NEURL1: variants seen among roughly 807,000 people sequenced by gnomAD.
NEURL1 encodes the protein neuralized E3 ubiquitin protein ligase 1.
In NEURL1, 26 loss-of-function variants were observed where a neutral mutation model predicts 41.2. That is an observed-to-expected ratio of 0.63 (90% CI 0.46 to 0.87). NEURL1 has a LOEUF of 0.87. NEURL1 is among the 40% of genes least tolerant of loss of function. NEURL1 has a pLI of 0.00. For missense variants in NEURL1, 761 were observed against 871.1 expected (o/e 0.87, Z 1.59); for synonymous variants, 400 against 402.3 (o/e 0.99, Z 0.07).
rs1320122010 is a variant in NEURL1 at position 103,556,306 on chromosome 10, G to A, written c.86-14566G>A. 6.6e-6 allele frequency among the ~76,000 whole-genome samples: 1 copy of A among 152,204 alleles called. No individual in the cohort carries two copies. The highest frequency in any genetic ancestry group is 1.9e-4 in the East Asian group (1 of 5,196). On this transcript the variant is annotated intron_variant, in intron 1 of 5. Transcript: ENST00000369780. This position sits in a 1 kb window ranked among gnomAD's most constrained non-coding sequence, Gnocchi z 4.4. ...CCCGGAGAAGCCTTCCTAGGGACTT[G>A]TGTGTCTTCCCTGGGCCCTGGGAAC...
chr10:103,497,101 C>G (rs575029862), intron 1 of NEURL1, among the ~76,000 whole-genome samples: 3 of 152,334 alleles, frequency 2.0e-5, no homozygotes, highest in African/African-American at 7.2e-5. Flanking sequence ...GTCCACTGAT[C>G]CTCCTTCTCA....
intron 1 of NEURL1, among the ~76,000 whole-genome samples, chr10:103,503,997 T>C (rs868594924): frequency 1.6e-5 from 2 of 128,798 alleles, no homozygotes; most frequent in South Asian, 2.4e-4. Flanking sequence ...ATTTATTTAT[T>C]TATTTATCTT....
chr10:103,537,403 T>C (rs1388096602), intron 1 of NEURL1, among the ~76,000 whole-genome samples: 1 of 151,336 alleles, frequency 6.6e-6, no homozygotes, highest in Admixed American at 6.5e-5. Flanking sequence ...TCTCGCACTC[T>C]TATATATATT....
chr10:103,497,280 T>C (rs908038787), intron 1 of NEURL1, among the ~76,000 whole-genome samples: 1 of 152,228 alleles, frequency 6.6e-6, no homozygotes, highest in African/African-American at 2.4e-5. Flanking sequence ...CTAATTGTGT[T>C]GGTGTTGACC....
chr10:103,576,238 G>A (rs2035660485), intron 3 of NEURL1, among the ~76,000 whole-genome samples: 1 of 152,222 alleles, frequency 6.6e-6, no homozygotes, highest in Non-Finnish European at 1.5e-5. Flanking sequence ...AGGACTTCCT[G>A]TAGGAGACAA....
At chr10:103,506,466 A>G (rs2033947372) in intron 1 of NEURL1, among the ~76,000 whole-genome samples, 1 of 152,064 alleles carries the variant, frequency 6.6e-6, no homozygotes, top group African/African-American at 2.4e-5. Flanking sequence ...CTGCCCTGAC[A>G]TACTCAGGGC....
At chr10:103,531,413 T>C (rs1340226673) in intron 1 of NEURL1, among the ~76,000 whole-genome samples, 4 of 152,216 alleles carry the variant, frequency 2.6e-5, no homozygotes, top group African/African-American at 9.6e-5. Context: ...TTTTATTTTT[T>C]TTATTTATTA....
chr10:103,589,504 C>G lies in NEURL1; in HGVS notation c.1340-10C>G. 6.3e-7 allele frequency: 1 copy of G among 1,588,788 alleles called. No homozygotes were observed. Among genetic ancestry groups the G allele is most frequent in the Non-Finnish European group, 8.6e-7 (1 of 1,165,888 alleles). On this transcript the variant is annotated splice_polypyrimidine_tract_variant and intron_variant, in intron 4 of 5. Transcript: ENST00000369780. ...AGCTAGTGTGTCCTTCCCTCCCTCC[C>G]CTTTCACAGGCTCCACTATCCTGGC... is the stretch of plus-strand genomic sequence containing the variant.
At position 103,532,733 on chromosome 10, in the gene NEURL1, A is replaced by G. The variant is rs552025361; in HGVS notation, c.86-38139A>G. 9.9e-5 allele frequency among the ~76,000 whole-genome samples: 15 copies of G among 151,472 alleles called. No homozygotes were observed. The East Asian group carries it at 2.9e-3, about 29-fold the overall frequency. On this transcript the variant is annotated intron_variant, in intron 1 of 5. Transcript: ENST00000369780. ...CTTTTTTTGGAGGCTTTCTCTGTGA[A>G]CTTTCTGTATCTTTGACTTTTTACA...
chr10:103,544,205 G>A (rs1236804729), intron 1 of NEURL1, among the ~76,000 whole-genome samples: 2 of 152,178 alleles, frequency 1.3e-5, no homozygotes, highest in African/African-American at 2.4e-5. Flanking sequence ...GTGACCTCTT[G>A]GATGGGGAAT....
chr10:103,567,526 G>A (rs1193206151), intron 1 of NEURL1, among the ~76,000 whole-genome samples: 3 of 152,098 alleles, frequency 2.0e-5, no homozygotes, highest in Non-Finnish European at 4.4e-5. Flanking sequence ...TGGGACTACT[G>A]GGACTCAGTA....
At chr10:103,538,723 T>G (rs1246433585) in intron 1 of NEURL1, among the ~76,000 whole-genome samples, 1 of 148,738 alleles carries the variant, frequency 6.7e-6, no homozygotes, top group Non-Finnish European at 1.5e-5. Flanking sequence ...CTCGGCTCAC[T>G]GCAACCTCCG....
chr10:103,501,853 C>T (rs904843205), intron 1 of NEURL1, among the ~76,000 whole-genome samples: 4 of 152,002 alleles, frequency 2.6e-5, no homozygotes, highest in East Asian at 1.9e-4. Flanking sequence ...AGGCTGGTCT[C>T]GAACACCTGA....
chr10:103,552,656 G>A (rs1422595640), intron 1 of NEURL1, among the ~76,000 whole-genome samples: 6 of 152,182 alleles, frequency 3.9e-5, no homozygotes, highest in Admixed American at 6.5e-5. Flanking sequence ...CTGGAAGTCC[G>A]CGAGAGCTAG....
At position 103,571,118 on chromosome 10, in the gene NEURL1, G is replaced by T; in HGVS notation, c.327+5G>T. On this transcript the variant is annotated splice_donor_5th_base_variant and intron_variant, in intron 2 of 5. Coordinates refer to ENST00000369780, the MANE Select transcript of NEURL1 (RefSeq NM_004210.5). ...TACGAGCAAGTCAGGCTGAAGGTGGGCCTGCCCCCTGCCCCCGCCCCCGCC... is the reference window on the plus strand; with the variant it reads ...TACGAGCAAGTCAGGCTGAAGGTGGTCCTGCCCCCTGCCCCCGCCCCCGCC... 1 of 1,611,656 alleles carries T rather than the reference G, an allele frequency of 6.2e-7. No homozygotes were observed. Among genetic ancestry groups the T allele is most frequent in the Middle Eastern group, 1.7e-4 (1 of 5,936 alleles).
chr10:103,500,842 T>C (rs1403738962), intron 1 of NEURL1, among the ~76,000 whole-genome samples: 2 of 152,210 alleles, frequency 1.3e-5, no homozygotes, highest in Non-Finnish European at 2.9e-5. Context: ...ATATTGGGGA[T>C]GGGACCCTCA....
At chr10:103,554,667 G>A (rs1427119090) in intron 1 of NEURL1, among the ~76,000 whole-genome samples, 1 of 152,128 alleles carries the variant, frequency 6.6e-6, no homozygotes, top group Non-Finnish European at 1.5e-5. Context: ...GATAATGACT[G>A]TAATACTGAC....
chr10:103,577,126 T>C (rs1032712283), intron 3 of NEURL1, among the ~76,000 whole-genome samples: 1 of 152,164 alleles, frequency 6.6e-6, no homozygotes, highest in Non-Finnish European at 1.5e-5. Flanking sequence ...CCGATCATGA[T>C]TTCTTCCTCT....
At chr10:103,557,906 G>A (rs1357250281) in intron 1 of NEURL1, among the ~76,000 whole-genome samples, 1 of 151,902 alleles carries the variant, frequency 6.6e-6, no homozygotes, top group African/African-American at 2.4e-5. Context: ...TTGAGACGTA[G>A]TCTCTCTCTG....
Sources: allele counts gnomAD v4.1 joint callset (sites outside exome capture counted in the v4.1 genomes callset), GRCh38; gene constraint gnomAD v4.1.1; non-coding constraint Gnocchi (gnomAD v3.1); transcripts MANE v1.5; gene names NCBI Gene and HGNC (gene_info 2026-07-23, HGNC 2026-07-21).